Variants in ZFAND3 observed in about 807,000 individuals in gnomAD.
ZFAND3 encodes zinc finger AN1-type containing 3, also known as AN1-type zinc finger protein 3.
A neutral mutation model predicts 29.6 loss-of-function variants in ZFAND3; 10 were observed. The observed-to-expected ratio is 0.34, with a 90% CI of 0.21 to 0.57. The LOEUF is 0.57. Ranked by LOEUF, ZFAND3 falls within the 20% of genes least tolerant of loss-of-function variation. The probability of loss-of-function intolerance (pLI) is 0.86; values close to 1 mark genes in which losing one functional copy is unlikely to be tolerated. For synonymous variants in ZFAND3, 128 were observed against 112.6 expected (o/e 1.14, Z -0.87); for missense variants, 230 against 304.5 (o/e 0.76, Z 1.82).
rs535504349 is a variant in ZFAND3, at chr6:38,152,866, C to T, written c.*477C>T. The T allele has an allele frequency of 3.0e-6, 3 of 986,030 alleles. No individual in the cohort carries two copies. The highest frequency in any genetic ancestry group is 6.1e-5 in the Admixed American group (1 of 16,304). 61.1% of individuals were successfully genotyped at this position (986,030 alleles called of 1,614,324 possible). A position where few individuals can be genotyped will look rare whatever the true frequency, so the allele number is the denominator to read the frequency against. On this transcript the variant is annotated 3_prime_UTR_variant, in exon 6 of 6. Transcript: ENST00000287218. ...TCCCAGTAGCCAGGATACCTGATGG[C>T]CACGTGTGCCTTGGCCACGGGAGGC...
chr6:38,086,767 T>C (rs528049419), intron 4 of ZFAND3, among the ~76,000 whole-genome samples: 2 of 152,102 alleles, frequency 1.3e-5, no homozygotes, highest in Non-Finnish European at 2.9e-5. Flanking sequence ...TATTTTTATG[T>C]TTAAAGTGGG....
intron 4 of ZFAND3, among the ~76,000 whole-genome samples, chr6:38,089,753 T>C (rs1764827205): frequency 6.6e-6 from 1 of 152,234 alleles, no homozygotes; most frequent in Admixed American, 6.5e-5. Context: ...GTACATTTAA[T>C]CCTAGAGAGT....
intron 2 of ZFAND3, among the ~76,000 whole-genome samples, chr6:37,978,808 G>A (rs1429436564): frequency 3.3e-5 from 5 of 152,136 alleles, no homozygotes; most frequent in Non-Finnish European, 5.9e-5. Context: ...GGGATTACAG[G>A]CGCCGGCCAC....
At chr6:38,132,182 A>G (rs917768262) in intron 5 of ZFAND3, among the ~76,000 whole-genome samples, 13 of 152,174 alleles carry the variant, frequency 8.5e-5, no homozygotes, top group African/African-American at 3.1e-4. Flanking sequence ...GCACAAATAA[A>G]ACCTGTGTTT....
At chr6:38,144,231 A>ATATATATATAATATATATATATAT (rs1365246829) in intron 5 of ZFAND3, among the ~76,000 whole-genome samples, 91 of 75,168 alleles carry the variant, frequency 1.2e-3, no homozygotes, top group Non-Finnish European at 2.1e-3. Flanking sequence ...ATATATATAT[A>ATATATATATAATATATATATATAT]TTTTTTTTTT....
chr6:37,855,053 C>A (rs1238590208), intron 1 of ZFAND3, among the ~76,000 whole-genome samples: 2 of 125,160 alleles, frequency 1.6e-5, no homozygotes, highest in African/African-American at 6.0e-5. Flanking sequence ...TCTTTTTAAT[C>A]TCTGGGTGAT....
chr6:37,998,122 G>A (rs1468462692), intron 2 of ZFAND3, among the ~76,000 whole-genome samples: 1 of 152,190 alleles, frequency 6.6e-6, no homozygotes, highest in African/African-American at 2.4e-5. Context: ...TTATTCAACT[G>A]TAAAAAGAAA....
At chr6:37,972,084 GTTTTTCTACC>G (rs747277049) in intron 2 of ZFAND3, among the ~76,000 whole-genome samples, 26 of 152,310 alleles carry the variant, frequency 1.7e-4, no homozygotes, top group South Asian at 8.3e-4. Flanking sequence ...TGTATGCTGA[GTTTTTCTACC>G]ACTTCCTTCC....
At chr6:37,953,441 C>CTTTTTTTTTTT (rs35182018) in intron 2 of ZFAND3, among the ~76,000 whole-genome samples, 3 of 106,214 alleles carry the variant, frequency 2.8e-5, no homozygotes, top group East Asian at 2.4e-4. Flanking sequence ...GCATAATTAT[C>CTTTTTTTTTTT]TTTTTTTTTT....
intron 2 of ZFAND3, among the ~76,000 whole-genome samples, chr6:37,979,860 A>G (rs1304056481): frequency 6.6e-6 from 1 of 152,146 alleles, no homozygotes; most frequent in Non-Finnish European, 1.5e-5. Context: ...TCAACTTACC[A>G]CATCTGCTGA....
At chr6:37,934,207 G>C (rs1320595888) in intron 2 of ZFAND3, among the ~76,000 whole-genome samples, 1 of 145,880 alleles carries the variant, frequency 6.9e-6, no homozygotes. Context: ...TTTTGAGACG[G>C]AATCTGGCTC....
At chr6:37,881,360 ACAGGCGTGAGCCACTGTGCC>A (rs1381842773) in intron 1 of ZFAND3, among the ~76,000 whole-genome samples, 1 of 152,216 alleles carries the variant, frequency 6.6e-6, no homozygotes, top group Non-Finnish European at 1.5e-5. Flanking sequence ...TGTTGGGATT[ACAGGCGTGAGCCACTGTGCC>A]CAGCCTATGA....
chr6:38,017,855 T>C (rs574718441), intron 2 of ZFAND3, among the ~76,000 whole-genome samples: 10 of 152,352 alleles, frequency 6.6e-5, no homozygotes, highest in African/African-American at 2.4e-4. Flanking sequence ...ATAATATTCA[T>C]GTTATTCGTG....
intron 4 of ZFAND3, among the ~76,000 whole-genome samples, chr6:38,101,621 A>G (rs1765094191): frequency 6.6e-6 from 1 of 151,946 alleles, no homozygotes; most frequent in African/African-American, 2.4e-5. Context: ...TAAAAATACA[A>G]AAATTACCCG....
chr6:37,951,744 T>C (rs191772566), intron 2 of ZFAND3, among the ~76,000 whole-genome samples: 9 of 152,332 alleles, frequency 5.9e-5, no homozygotes, highest in Non-Finnish European at 1.5e-5. Context: ...ATAAGAGTGC[T>C]GAGAGTGGGC....
At chr6:37,924,985 G>T (rs1207087256) in intron 1 of ZFAND3, among the ~76,000 whole-genome samples, 1 of 152,038 alleles carries the variant, frequency 6.6e-6, no homozygotes, top group Non-Finnish European at 1.5e-5. Context: ...GAAAAGGCAA[G>T]CATGGTTGAA....
At chr6:37,867,252 T>C (rs1200222120) in intron 1 of ZFAND3, among the ~76,000 whole-genome samples, 1 of 152,202 alleles carries the variant, frequency 6.6e-6, no homozygotes, top group Non-Finnish European at 1.5e-5. Context: ...TTGTGGAACT[T>C]GCTTGCTGTG....
intron 2 of ZFAND3, among the ~76,000 whole-genome samples, chr6:37,983,747 A>G (rs1478588638): frequency 6.6e-6 from 1 of 151,426 alleles, no homozygotes; most frequent in African/African-American, 2.4e-5. Context: ...TTTGTTTTAT[A>G]ATTGCCCACA....
At chr6:38,026,190 C>T (rs550759771) in intron 2 of ZFAND3, among the ~76,000 whole-genome samples, 1 of 152,240 alleles carries the variant, frequency 6.6e-6, no homozygotes, top group South Asian at 2.1e-4. Context: ...CACTTACATC[C>T]AGTTTATACT....
Sources: gnomAD v4.1 joint callset for allele counts (sites outside exome capture counted in the v4.1 genomes callset) on GRCh38, gnomAD v4.1.1 for gene constraint, MANE v1.5 for transcripts, NCBI Gene and HGNC (gene_info 2026-07-23, HGNC 2026-07-21) for gene names.